The following PCDH15 variants were observed in gnomAD, a reference collection of about 807,000 sequenced individuals.
The protein encoded by PCDH15 is protocadherin-15.
In PCDH15, 129 loss-of-function variants were observed where a neutral mutation model predicts 178.5. The observed-to-expected ratio is 0.72, with a 90% CI of 0.63 to 0.84. The LOEUF (loss-of-function observed/expected upper bound fraction) is 0.84, where lower values mean the gene tolerates loss of function less well. PCDH15 is among the 40% of genes least tolerant of loss of function. The pLI, the probability that PCDH15 is intolerant of heterozygous loss-of-function variation, is 0.00. For synonymous variants in PCDH15, 800 were observed against 732.0 expected (o/e 1.09, Z -1.50); for missense variants, 2,230 against 2,099.9 (o/e 1.06, Z -1.21).
chr10:54,439,680 T>C lies in PCDH15; in HGVS notation c.158-60738A>G, dbSNP rs112597486. Among the ~76,000 whole-genome samples the C allele has an allele frequency of 7.0e-3, 1,061 of 152,150 alleles. 16 individuals are homozygous for C. Among genetic ancestry groups the C allele is most frequent in the African/African-American group, 0.024 (1,004 of 41,522 alleles). ...CAATAAATAAATGTTTTAAATGCCA[T>C]GTTTTTTAGCTATTGCAGTTAAACT... On this transcript the variant is annotated intron_variant, in intron 3 of 37. Coordinates refer to ENST00000644397, the MANE Select transcript of PCDH15 (RefSeq NM_001384140.1).
chr10:54,325,604 C>T (rs764498547), intron 7 of PCDH15, among the ~76,000 whole-genome samples: 27 of 152,008 alleles, frequency 1.8e-4, no homozygotes, highest in Non-Finnish European at 2.4e-4. Context: ...CAAAAATTAG[C>T]TGGGTATGGT....
At chr10:55,192,836 C>A (rs568874218) in intron 1 of PCDH15, among the ~76,000 whole-genome samples, 3 of 151,394 alleles carry the variant, frequency 2.0e-5, no homozygotes, top group South Asian at 2.1e-4. Context: ...AATACCTGCA[C>A]ACACTTATAT....
chr10:53,966,594 T>A (rs2089045175), intron 21 of PCDH15, among the ~76,000 whole-genome samples: 1 of 152,100 alleles, frequency 6.6e-6, no homozygotes, highest in Admixed American at 6.6e-5. Flanking sequence ...TTCATTGTTT[T>A]AAGAAATTAT....
chr10:55,022,144 T>G (rs1362640591), intron 2 of PCDH15, among the ~76,000 whole-genome samples: 1 of 152,006 alleles, frequency 6.6e-6, no homozygotes, highest in African/African-American at 2.4e-5. Context: ...TAATTAATAA[T>G]GATATATCGT....
intron 1 of PCDH15, among the ~76,000 whole-genome samples, chr10:54,689,372 A>G (rs2095073386): frequency 6.6e-6 from 1 of 152,196 alleles, no homozygotes; most frequent in African/African-American, 2.4e-5. Context: ...GAGCTGAAAT[A>G]TTATGTAAAT....
chr10:54,907,923 C>T (rs1954752546), intron 2 of PCDH15, among the ~76,000 whole-genome samples: 2 of 152,158 alleles, frequency 1.3e-5, no homozygotes, highest in African/African-American at 4.8e-5. Flanking sequence ...GAACCCTGGC[C>T]CCTCTTTCTG....
chr10:54,049,894 C>T (rs2610897), intron 18 of PCDH15, among the ~76,000 whole-genome samples: 31,807 of 152,090 alleles, frequency 0.21, 3,512 homozygotes, highest in Non-Finnish European at 0.23. Flanking sequence ...GCTGGGATTA[C>T]AGGTGTGAGC....
intron 2 of PCDH15, among the ~76,000 whole-genome samples, chr10:54,974,017 T>C (rs980775389): frequency 6.6e-6 from 1 of 151,098 alleles, no homozygotes; most frequent in African/African-American, 2.4e-5. Flanking sequence ...ACTCTCATAC[T>C]AGCCCTCTCT....
At chr10:54,111,466 T>TACCCAA (rs1564444857) in intron 15 of PCDH15, among the ~76,000 whole-genome samples, 3 of 152,158 alleles carry the variant, frequency 2.0e-5, no homozygotes, top group Non-Finnish European at 4.4e-5. Flanking sequence ...CAAACAGGTT[T>TACCCAA]AGAAATTGTA....
intron 2 of PCDH15, among the ~76,000 whole-genome samples, chr10:55,067,261 ATCTAACATTCTAC>A (rs1036681124): frequency 1.7e-4 from 26 of 152,138 alleles, no homozygotes; most frequent in Admixed American, 1.2e-3. Flanking sequence ...AGGCTGTAGT[ATCTAACATTCTAC>A]TCTGTGTGTC....
chr10:54,615,632 C>T (rs969968117), intron 2 of PCDH15, among the ~76,000 whole-genome samples: 4 of 151,926 alleles, frequency 2.6e-5, no homozygotes, highest in Non-Finnish European at 5.9e-5. Flanking sequence ...TCTATAAAAA[C>T]ATCATAGACT....
At chr10:54,202,736 C>T (rs946788688) in intron 10 of PCDH15, among the ~76,000 whole-genome samples, 8 of 147,316 alleles carry the variant, frequency 5.4e-5, no homozygotes, top group Admixed American at 1.4e-4. Context: ...CGCTTGAACC[C>T]GGGAGGCAGA....
At chr10:54,127,223 GGGGTCATACTTTTATTCCATTGCAAAAA>G (rs2042061589) in intron 15 of PCDH15, among the ~76,000 whole-genome samples, 2 of 152,078 alleles carry the variant, frequency 1.3e-5, no homozygotes, top group African/African-American at 2.4e-5. Context: ...AAGTGCAAAG[GGGGTCATACTTTTATTCCATTGCAAAAA>G]GGGTCATACT....
At chr10:55,246,999 A>G (rs989751288) in intron 1 of PCDH15, among the ~76,000 whole-genome samples, 1 of 152,174 alleles carries the variant, frequency 6.6e-6, no homozygotes, top group African/African-American at 2.4e-5. Flanking sequence ...GTTGATTAAC[A>G]TACATGAGTA....
chr10:54,967,550 G>T (rs1838823950), intron 2 of PCDH15, among the ~76,000 whole-genome samples: 1 of 152,058 alleles, frequency 6.6e-6, no homozygotes, highest in South Asian at 2.1e-4. Context: ...ATTTACACTT[G>T]TGTAGAAATA....
At chr10:54,707,821 T>C (rs551533326) in intron 1 of PCDH15, among the ~76,000 whole-genome samples, 3 of 152,106 alleles carry the variant, frequency 2.0e-5, no homozygotes, top group African/African-American at 7.2e-5. Context: ...ATCAAATACA[T>C]AGAAACCTAA....
At chr10:55,464,235 A>C (rs1292014301) in intron 2 of PCDH15, among the ~76,000 whole-genome samples, 1 of 152,166 alleles carries the variant, frequency 6.6e-6, no homozygotes, top group African/African-American at 2.4e-5. Context: ...CAGAACAATG[A>C]TCAGAACATC....
intron 3 of PCDH15, among the ~76,000 whole-genome samples, chr10:54,476,985 C>T (rs1283527527): frequency 6.6e-6 from 1 of 152,058 alleles, no homozygotes. Flanking sequence ...TTCCAACTTC[C>T]TTCTTTGCCT....
intron 28 of PCDH15, among the ~76,000 whole-genome samples, chr10:53,854,053 G>A (rs1262630663): frequency 6.6e-6 from 1 of 151,986 alleles, no homozygotes; most frequent in Non-Finnish European, 1.5e-5. Context: ...AATGTGGTAT[G>A]TATTGAGAAC....
Sources: gnomAD v4.1 joint callset for allele counts (sites outside exome capture counted in the v4.1 genomes callset) on GRCh38, gnomAD v4.1.1 for gene constraint, MANE v1.5 for transcripts, NCBI Gene and HGNC (gene_info 2026-07-23, HGNC 2026-07-21) for gene names.